MYCBP: variants seen among roughly 807,000 people sequenced by gnomAD.
The protein encoded by MYCBP is C-Myc-binding protein.
MYCBP carries 5 observed loss-of-function variants against 16.8 expected under a neutral mutation model. The observed-to-expected ratio is 0.30, with a 90% CI of 0.16 to 0.63. The LOEUF is 0.63. Among genes scored for constraint, MYCBP ranks in the 20% least tolerant of loss-of-function variants. MYCBP has a pLI of 0.83. For synonymous variants in MYCBP, 35 were observed against 43.7 expected, an observed-to-expected ratio of 0.80 and a Z score of 0.79; for missense variants, 103 against 121.8, an observed-to-expected ratio of 0.85 and a Z score of 0.73.
chr1:38,864,844 TATCC>T (rs1642304809), intron 4 of MYCBP, 130 bp from the exon 5 acceptor site: 1 of 783,132 alleles, frequency 1.3e-6, no homozygotes, highest in Admixed American at 2.5e-5. Flanking sequence ...TTTCTATAAC[TATCC>T]ATTTTAAATC....
chr1:38,871,474 T>C (rs975576761), intron 2 of MYCBP, among the ~76,000 whole-genome samples: 1 of 139,974 alleles, frequency 7.1e-6, no homozygotes, highest in African/African-American at 2.6e-5. Context: ...TGTTGCCCAG[T>C]GGCACAATCA....
chr1:38,868,281 G>A (rs552908807), intron 2 of MYCBP, among the ~76,000 whole-genome samples: 13 of 152,274 alleles, frequency 8.5e-5, no homozygotes, highest in African/African-American at 4.8e-5. Context: ...AAAGAAATTC[G>A]AGAATTTAGG....
At chr1:38,866,802 G>C in intron 4 of MYCBP, 78 bp downstream of exon 4, 1 of 1,163,250 alleles carries the variant, frequency 8.6e-7, no homozygotes, top group South Asian at 1.4e-5. Flanking sequence ...CTCCCCTCCT[G>C]TCCATTTCAG....
At chr1:38,866,761 A>G in intron 4 of MYCBP, 119 bp downstream of exon 4, 1 of 865,482 alleles carries the variant, frequency 1.2e-6, no homozygotes, top group Non-Finnish European at 1.7e-6. Context: ...CTTACATTGT[A>G]ATTAATTCAA....
At chr1:38,873,156 C>T in intron 1 of MYCBP, 66 bp from the exon 2 acceptor site, 1 of 1,550,838 alleles carries the variant, frequency 6.4e-7, no homozygotes, top group East Asian at 2.4e-5. Context: ...CGCTGGGAGT[C>T]CGGCAACCCC....
At position 38,867,600 on chromosome 1, in the gene MYCBP, G is replaced by A. The variant is rs773059968; in HGVS notation, c.99C>T (p.Ala33=). The A allele has an allele frequency of 6.2e-7, 1 of 1,613,528 alleles. No homozygotes were observed. Among genetic ancestry groups the A allele is most frequent in the African/African-American group, 1.3e-5 (1 of 74,856 alleles). ...TAGGTTTCTCTGGTTCTTCATATAAGGCTACCAACACTGCAAATCAAAAAG... is the reference window on the plus strand; with the variant it reads ...TAGGTTTCTCTGGTTCTTCATATAAAGCTACCAACACTGCAAATCAAAAAG... ...VLDTLTKVLV[A]LYEEPEKPNS... Residue 33 remains alanine, a synonymous_variant, in exon 3 of 5, where the codon GCC becomes GCT. Coordinates refer to ENST00000397572, the MANE Select transcript of MYCBP (RefSeq NM_012333.5).
At chr1:38,870,787 G>A (rs1248655304) in intron 2 of MYCBP, among the ~76,000 whole-genome samples, 2 of 98,342 alleles carry the variant, frequency 2.0e-5, no homozygotes, top group African/African-American at 4.0e-5. Context: ...GCGACAGAGC[G>A]AGACTCCGTC....
At chr1:38,868,009 G>A (rs142385928) in intron 2 of MYCBP, among the ~76,000 whole-genome samples, 1 of 152,344 alleles carries the variant, frequency 6.6e-6, no homozygotes, top group African/African-American at 2.4e-5. Flanking sequence ...ATTCAAGTAT[G>A]GCTGGAGATG....
At chr1:38,866,318 G>C (rs921566922) in intron 4 of MYCBP, among the ~76,000 whole-genome samples, 7 of 151,884 alleles carry the variant, frequency 4.6e-5, no homozygotes, top group Non-Finnish European at 7.4e-5. Context: ...AAAGTGCTGG[G>C]ATTATAGGCG....
At position 38,873,271 on chromosome 1, in the gene MYCBP, C is replaced by T; in HGVS notation, c.15+20G>A. ...CTTGCTACCGCCCGCATGCCCCCAG[C>T]CACGCCGCGCCCCCCTCACTTTGTA... On this transcript the variant is annotated intron_variant, in intron 1 of 4. Coordinates refer to ENST00000397572, the MANE Select transcript of MYCBP (RefSeq NM_012333.5). The T allele has an allele frequency of 1.3e-6, 2 of 1,599,764 alleles. No individual in the cohort carries two copies. Among genetic ancestry groups the T allele is most frequent in the Non-Finnish European group, 8.5e-7 (1 of 1,177,740 alleles).
rs966906851 is a variant in MYCBP at position 38,863,702 on chromosome 1, T to A, written c.*968A>T. The A allele has an allele frequency of 1.3e-5, 2 of 152,616 alleles. No homozygotes were observed. The highest frequency in any genetic ancestry group is 2.9e-5 in the Non-Finnish European group (2 of 68,032). The allele number at this position is 152,616 out of a possible 1,614,324, so 9.5% of individuals were successfully genotyped here. A position where few individuals can be genotyped will look rare whatever the true frequency, so the allele number is the denominator to read the frequency against. On this transcript the variant is annotated 3_prime_UTR_variant, in exon 5 of 5. Coordinates refer to ENST00000397572, the MANE Select transcript of MYCBP (RefSeq NM_012333.5). ...TAATATCAGTCTTTGGCCTAAAAAT[T>A]CAGCACCCCTCTTCCCCTTATACTT...
chr1:38,873,323 C>CG lies in MYCBP; in HGVS notation c.-19dup, dbSNP rs1182110260. The CG allele has an allele frequency of 6.3e-7, 1 of 1,599,994 alleles. No homozygotes were observed. The highest frequency in any genetic ancestry group is 1.1e-5 in the South Asian group (1 of 90,604). ...TGGGCCATAGTGACAGCGGCAGCGGCGTAGCTGGCGCCGGAGACCGCGACT... is the reference window on the plus strand; with the variant it reads ...TGGGCCATAGTGACAGCGGCAGCGGCGGTAGCTGGCGCCGGAGACCGCGACT... On this transcript the variant is annotated 5_prime_UTR_variant, in exon 1 of 5. Transcript: ENST00000397572.
intron 2 of MYCBP, among the ~76,000 whole-genome samples, chr1:38,870,961 G>A (rs1371242992): frequency 6.6e-6 from 1 of 151,500 alleles, no homozygotes; most frequent in Non-Finnish European, 1.5e-5. Context: ...AAATTCTAGT[G>A]GAGGGCGGTG....
chr1:38,872,515 G>A (rs953045308), intron 2 of MYCBP: 5 of 157,232 alleles, frequency 3.2e-5, no homozygotes, highest in Admixed American at 2.6e-4. Context: ...AATTGACACA[G>A]ACAGACTAAG....
chr1:38,868,702 A>G (rs188420804), intron 2 of MYCBP, among the ~76,000 whole-genome samples: 3,131 of 152,164 alleles, frequency 0.021, 56 homozygotes, highest in Admixed American at 0.055. Context: ...TCAGGAGATC[A>G]AGACCATCCT....
chr1:38,873,141 G>A lies in MYCBP; in HGVS notation c.16-51C>T, dbSNP rs747206410. The A allele has an allele frequency of 5.2e-6, 8 of 1,552,486 alleles. No homozygotes were observed. In the South Asian group the frequency reaches 5.9e-5, roughly 11 times the overall value. ...CCAGAGCCCGGGAGCCGAGCAGGAA[G>A]AAGGCGCTGGGAGTCCGGCAACCCC... is the stretch of plus-strand genomic sequence containing the variant. On this transcript the variant is annotated intron_variant, in intron 1 of 4. Transcript: ENST00000397572.
At chr1:38,873,365 C>A, upstream of MYCBP, 1 of 1,577,452 alleles carries the variant, frequency 6.3e-7, no homozygotes, top group South Asian at 1.1e-5. Flanking sequence ...TTGGGAGCAG[C>A]ACTGCTCATG....
chr1:38,865,457 C>CT (rs1329468866), intron 4 of MYCBP, among the ~76,000 whole-genome samples: 2 of 152,066 alleles, frequency 1.3e-5, no homozygotes, highest in Admixed American at 6.5e-5. Context: ...ACCTGAAAGA[C>CT]TTAAGAGTTG....
Position 38,862,847 on chromosome 1 carries a change from A to T in MYCBP, c.*1823T>A, listed in dbSNP as rs746605031. On this transcript the variant is annotated 3_prime_UTR_variant, in exon 5 of 5. Coordinates refer to ENST00000397572, the MANE Select transcript of MYCBP (RefSeq NM_012333.5). Reference sequence around the variant, plus strand: ...AGTCACAGTCACCTGGCTTACTGACATAAATATTAATACTAATCAAATGAG... The same window carrying T: ...AGTCACAGTCACCTGGCTTACTGACTTAAATATTAATACTAATCAAATGAG... The T allele has an allele frequency of 1.9e-4, 29 of 152,228 alleles. No homozygotes were observed. Among genetic ancestry groups the T allele is most frequent in the Admixed American group, 1.7e-3 (26 of 15,288 alleles). 9.4% of individuals were successfully genotyped at this position (152,228 alleles called of 1,614,324 possible). A position where few individuals can be genotyped will look rare whatever the true frequency, so the allele number is the denominator to read the frequency against.
Sources: gnomAD v4.1 joint callset for allele counts (sites outside exome capture counted in the v4.1 genomes callset) on GRCh38, gnomAD v4.1.1 for gene constraint, MANE v1.5 for transcripts, NCBI Gene and HGNC (gene_info 2026-07-23, HGNC 2026-07-21) for gene names.